Variants in NIPSNAP3B observed in about 807,000 individuals in gnomAD.
NIPSNAP3B encodes protein NipSnap homolog 3B.
NIPSNAP3B carries 30 observed loss-of-function variants against 31.5 expected under a neutral mutation model. The ratio of observed to expected loss-of-function variants is 0.95; its 90% CI spans 0.71 to 1.29. The LOEUF (loss-of-function observed/expected upper bound fraction) is 1.29. Ranked by LOEUF, NIPSNAP3B falls within the 50% of genes most tolerant of loss-of-function variation. The probability of loss-of-function intolerance (pLI) is 0.00; values close to 1 mark genes in which losing one functional copy is unlikely to be tolerated. For missense variants in NIPSNAP3B, 269 were observed against 300.7 expected, an observed-to-expected ratio of 0.89 and a Z score of 0.78; for synonymous variants, 106 against 107.9, an observed-to-expected ratio of 0.98 and a Z score of 0.11.
intron 3 of NIPSNAP3B, among the ~76,000 whole-genome samples, chr9:104,770,574 T>C (rs976492468): frequency 1.3e-5 from 2 of 152,206 alleles, no homozygotes; most frequent in African/African-American, 4.8e-5. Context: ...AGATTAAAAA[T>C]ATTTCAGAGT....
Position 104,773,120 on chromosome 9 carries a change from T to A in NIPSNAP3B, c.*47T>A, listed in dbSNP as rs761195917. On this transcript the variant is annotated 3_prime_UTR_variant, in exon 6 of 6. Coordinates refer to ENST00000374762, the MANE Select transcript of NIPSNAP3B (RefSeq NM_018376.4). ...ATTTCATTAACTGCTCTAAGATGTG[T>A]CTGCTAATGGTGCTTAAATTCTCCC... is the stretch of plus-strand genomic sequence containing the variant. 6 of 1,566,282 alleles carry A rather than the reference T, an allele frequency of 3.8e-6. No homozygotes were observed. The Admixed American group carries it at 5.0e-5, about 13-fold the overall frequency.
chr9:104,765,507 G>T (rs1330981883), intron 1 of NIPSNAP3B, among the ~76,000 whole-genome samples: 1 of 152,200 alleles, frequency 6.6e-6, no homozygotes, highest in Non-Finnish European at 1.5e-5. Flanking sequence ...GGCTCAGAGG[G>T]CCAGATTAGG....
downstream of NIPSNAP3B, chr9:104,782,227 G>A (rs559234929): frequency 4.6e-5 from 7 of 152,100 alleles, no homozygotes; most frequent in Non-Finnish European, 7.4e-5. Context: ...AAAATGCAAC[G>A]ATGCCATATC....
chr9:104,769,092 A>G, intron 3 of NIPSNAP3B, 71 bp downstream of exon 3: 1 of 1,133,082 alleles, frequency 8.8e-7, no homozygotes, highest in South Asian at 1.8e-5. Context: ...ATAAAGAGTA[A>G]AGTTCTATAG....
the NIPSNAP3B span, chr9:104,790,889 T>G: frequency 1.4e-6 from 2 of 1,415,568 alleles, no homozygotes; most frequent in Non-Finnish European, 2.0e-6. Flanking sequence ...AACAAAGTCT[T>G]TGCAGCAAAA....
At chr9:104,782,335 A>T (rs747911776), downstream of NIPSNAP3B, 20 of 152,140 alleles carry the variant, frequency 1.3e-4, no homozygotes, top group Non-Finnish European at 2.4e-4. Flanking sequence ...GCAGTGGGTT[A>T]TATAATATTC....
chr9:104,778,537 C>T (rs1449094005), downstream of NIPSNAP3B, among the ~76,000 whole-genome samples: 1 of 152,136 alleles, frequency 6.6e-6, no homozygotes, highest in Admixed American at 6.6e-5. Context: ...AACTTGCACA[C>T]ATTTATCTTA....
chr9:104,776,383 C>T lies in NIPSNAP3B; in HGVS notation c.*3310C>T, dbSNP rs957356646. Among the ~76,000 whole-genome samples, 1 of 81,712 alleles carries T rather than the reference C, an allele frequency of 1.2e-5. No homozygotes were observed. The highest frequency in any genetic ancestry group is 2.6e-5 in the Non-Finnish European group (1 of 38,624). 53.6% of individuals were successfully genotyped at this position (81,712 alleles called of 152,430 possible). ...CACAGTGGCCCCTATCTGCTAGAGA[C>T]TGAATGTTTTTGTCCCCCCAAAATT... On this transcript the variant is annotated 3_prime_UTR_variant, in exon 6 of 6. Coordinates refer to ENST00000374762, the MANE Select transcript of NIPSNAP3B (RefSeq NM_018376.4).
the NIPSNAP3B span, among the ~76,000 whole-genome samples, chr9:104,786,099 G>A: frequency 6.6e-6 from 1 of 152,150 alleles, no homozygotes; most frequent in African/African-American, 2.4e-5. Flanking sequence ...TAAGTCACTT[G>A]CCCAAGAGTC....
chr9:104,769,989 T>C (rs1005743510), intron 3 of NIPSNAP3B, among the ~76,000 whole-genome samples: 1 of 152,210 alleles, frequency 6.6e-6, no homozygotes, highest in African/African-American at 2.4e-5. Flanking sequence ...TTAAATTTCA[T>C]TTTATGTCTC....
the NIPSNAP3B span, chr9:104,786,921 G>A: frequency 9.3e-6 from 15 of 1,613,862 alleles, no homozygotes; most frequent in South Asian, 1.5e-4. Context: ...AACACTTAGG[G>A]CACAATTCCA....
chr9:104,777,216 C>T lies in NIPSNAP3B; in HGVS notation c.*4143C>T, dbSNP rs1308785080. 1.3e-5 allele frequency: 2 copies of T among 152,238 alleles called. No homozygotes were observed. 9.4% of individuals were successfully genotyped at this position (152,238 alleles called of 1,614,324 possible). On this transcript the variant is annotated 3_prime_UTR_variant, in exon 6 of 6. Transcript: ENST00000374762. The stretch of plus-strand genomic sequence containing the variant: ...GAGAAGCAAATGCCACTTGTAGACT[C>T]AAACTCTGGACTTCATTCTCAGCAC...
the NIPSNAP3B span, among the ~76,000 whole-genome samples, chr9:104,789,055 G>T: frequency 6.6e-6 from 1 of 152,164 alleles, no homozygotes; most frequent in African/African-American, 2.4e-5. Context: ...GTCAAGTGAA[G>T]AATCACATGT....
chr9:104,773,195 T>C lies in NIPSNAP3B; in HGVS notation c.*122T>C, dbSNP rs1014223347. 7 of 924,676 alleles carry C rather than the reference T, an allele frequency of 7.6e-6. No individual in the cohort carries two copies. The African/African-American group carries it at 1.2e-4, about 15-fold the overall frequency. 57.3% of individuals were successfully genotyped at this position (924,676 alleles called of 1,614,324 possible). ...GGAGGTGGTAAGTTAATTAGTTAAT[T>C]TGCTGTGCTTCTTGCATTTTTGAAA... On this transcript the variant is annotated 3_prime_UTR_variant, in exon 6 of 6. Transcript: ENST00000374762.
At chr9:104,772,000 A>G (rs910578949) in intron 4 of NIPSNAP3B, among the ~76,000 whole-genome samples, 2 of 152,068 alleles carry the variant, frequency 1.3e-5, no homozygotes, top group African/African-American at 4.8e-5. Flanking sequence ...ATTTTCTCAT[A>G]AGTTTGTTGG....
downstream of NIPSNAP3B, chr9:104,782,650 GAA>G (rs922568070): frequency 1.3e-4 from 20 of 152,136 alleles, no homozygotes; most frequent in African/African-American, 3.9e-4. Context: ...ACTAGTGATT[GAA>G]GAGATGAAAA....
chr9:104,771,104 G>A (rs1824864609), intron 4 of NIPSNAP3B, 106 bp downstream of exon 4: 1 of 1,015,500 alleles, frequency 9.8e-7, no homozygotes, highest in African/African-American at 1.6e-5. Flanking sequence ...AATTTTTAGA[G>A]TTTGTTGTTT....
chr9:104,772,498 A>G (rs1828245726), intron 4 of NIPSNAP3B, among the ~76,000 whole-genome samples: 1 of 152,084 alleles, frequency 6.6e-6, no homozygotes, highest in Non-Finnish European at 1.5e-5. Context: ...TGTATCACCT[A>G]AATTTTCTAC....
intron 4 of NIPSNAP3B, 92 bp from the exon 5 acceptor site, chr9:104,772,730 A>C: frequency 7.1e-7 from 1 of 1,417,784 alleles, no homozygotes; most frequent in Non-Finnish European, 9.7e-7. Context: ...TTTGATTTAA[A>C]GAATAAGACA....
Sources: gnomAD v4.1 joint callset for allele counts (sites outside exome capture counted in the v4.1 genomes callset) on GRCh38, gnomAD v4.1.1 for gene constraint, MANE v1.5 for transcripts, NCBI Gene and HGNC (gene_info 2026-07-23, HGNC 2026-07-21) for gene names.